The following DCPS variants were observed in gnomAD, a reference collection of about 807,000 sequenced individuals.
DCPS encodes the protein decapping enzyme, scavenger.
DCPS carries 27 observed loss-of-function variants against 34.7 expected under a neutral mutation model. That is an observed-to-expected ratio of 0.78 (90% confidence interval 0.57 to 1.07). The LOEUF is 1.07. Ranked by LOEUF, DCPS falls within the 50% of genes least tolerant of loss-of-function variation. The probability of loss-of-function intolerance (pLI) is 0.00; values close to 1 mark genes in which losing one functional copy is unlikely to be tolerated. For synonymous variants in DCPS, 185 were observed against 185.7 expected (o/e 1.00, Z 0.03); for missense variants, 464 against 436.9 (o/e 1.06, Z -0.55).
In DCPS at chr11:126,342,985, G is replaced by A. The variant is rs1053643752; in HGVS notation, c.637-322G>A. On this transcript the variant is annotated intron_variant, in intron 4 of 5. Coordinates refer to ENST00000263579, the MANE Select transcript of DCPS (RefSeq NM_014026.6). The surrounding 1 kb of genome is among the most constrained non-coding windows in gnomAD (Gnocchi z 4.4). Reference sequence around the variant, plus strand: ...CTTGGGAGGCTGAGGCAGAAGAATCGCTTGAACCCAGGAGGCGGAGGTTGC... The same window carrying A: ...CTTGGGAGGCTGAGGCAGAAGAATCACTTGAACCCAGGAGGCGGAGGTTGC... 4.0e-5 allele frequency among the ~76,000 whole-genome samples: 6 copies of A among 150,050 alleles called. No homozygotes were observed. Among genetic ancestry groups the A allele is most frequent in the African/African-American group, 1.5e-4 (6 of 40,502 alleles).
rs58091804 is a variant in DCPS at position 126,324,629 on chromosome 11, CTTTTTTTT to C, written c.377-6757_377-6750del. On this transcript the variant is annotated intron_variant, in intron 2 of 5. Coordinates refer to ENST00000263579, the MANE Select transcript of DCPS (RefSeq NM_014026.6). ...CACCATGCCTAGCTAATTTTTCTGCCTTTTTTTTTTTTTTTTTTTTTTTTTTGGTAAAG... is the reference window on the plus strand; with the variant it reads ...CACCATGCCTAGCTAATTTTTCTGCCTTTTTTTTTTTTTTTTTTGGTAAAG... Among the ~76,000 whole-genome samples, 41 of 99,940 alleles carry C rather than the reference CTTTTTTTT, an allele frequency of 4.1e-4. 1 individual carries two copies. Among genetic ancestry groups the C allele is most frequent in the East Asian group, 1.7e-3 (7 of 4,064 alleles). The allele number at this position is 99,940 out of a possible 152,430, so 65.6% of individuals were successfully genotyped here.
chr11:126,318,391 A>C (rs684063), intron 2 of DCPS, among the ~76,000 whole-genome samples: 29,052 of 152,122 alleles, frequency 0.19, 3,900 homozygotes, highest in East Asian at 0.65. Flanking sequence ...AGGATGACTT[A>C]AGATCCACGG....
chr11:126,333,597 G>A lies in DCPS; in HGVS notation c.522+2047G>A, dbSNP rs958192726. Among the ~76,000 whole-genome samples the A allele has an allele frequency of 2.6e-5, 4 of 152,186 alleles. No individual in the cohort carries two copies. Among genetic ancestry groups the A allele is most frequent in the Non-Finnish European group, 4.4e-5 (3 of 68,036 alleles). ...ACAAGGGGAGGGAGGAGCAAGTCCA[G>A]AGGCACACAGAGCTGGAATCATCCG... On this transcript the variant is annotated intron_variant, in intron 3 of 5. Transcript: ENST00000263579. The surrounding 1 kb of genome is among the most constrained non-coding windows in gnomAD (Gnocchi z 5.7).
At chr11:126,309,197 T>C (rs1165241430) in intron 2 of DCPS, among the ~76,000 whole-genome samples, 1 of 152,148 alleles carries the variant, frequency 6.6e-6, no homozygotes, top group Non-Finnish European at 1.5e-5. Flanking sequence ...AGCTAATTTT[T>C]GTATTTTTAA....
intron 2 of DCPS, among the ~76,000 whole-genome samples, chr11:126,316,369 G>T (rs1951658742): frequency 6.6e-6 from 1 of 150,464 alleles, no homozygotes; most frequent in Admixed American, 6.7e-5. Context: ...GTTAGTGTTA[G>T]TATATTTCAT....
chr11:126,304,804 C>A (rs867115924), intron 1 of DCPS, among the ~76,000 whole-genome samples: 1 of 152,232 alleles, frequency 6.6e-6, no homozygotes, highest in African/African-American at 2.4e-5. Flanking sequence ...ACGAAAGTTA[C>A]CATCCCTGAT....
chr11:126,338,021 C>CTG lies in DCPS; in HGVS notation c.523-264_523-263dup. The CTG allele has an allele frequency of 2.0e-6, 1 of 492,200 alleles. No homozygotes were observed. Among genetic ancestry groups the CTG allele is most frequent in the Non-Finnish European group, 3.7e-6 (1 of 269,830 alleles). 30.5% of individuals were successfully genotyped at this position (492,200 alleles called of 1,614,324 possible). On this transcript the variant is annotated intron_variant, in intron 3 of 5. Transcript: ENST00000263579. This position sits in a 1 kb window ranked among gnomAD's most constrained non-coding sequence, Gnocchi z 5.4. The stretch of plus-strand genomic sequence containing the variant: ...GTGCACTATGCTGACCAGGAAGAGC[C>CTG]TGGCCCCTTCCAAGCTGCAGAGACC...
chr11:126,326,957 T>A (rs1410112746), intron 2 of DCPS, among the ~76,000 whole-genome samples: 2 of 151,956 alleles, frequency 1.3e-5, no homozygotes, highest in African/African-American at 4.8e-5. Flanking sequence ...TAAAAGGACT[T>A]CACCTGTTAA....
rs567764649 is a variant in DCPS, at chr11:126,331,892, A to G, written c.522+342A>G. Among the ~76,000 whole-genome samples, 53 of 152,212 alleles carry G rather than the reference A, an allele frequency of 3.5e-4. No homozygotes were observed. Among genetic ancestry groups the G allele is most frequent in the African/African-American group, 1.2e-3 (50 of 41,518 alleles). ...GAGAGAAGGCTTTGGGGGTGGGGGA[A>G]CTGATGCTGGTCTTGGTCCCACCTG... On this transcript the variant is annotated intron_variant, in intron 3 of 5. Coordinates refer to ENST00000263579, the MANE Select transcript of DCPS (RefSeq NM_014026.6). The surrounding 1 kb of genome is among the most constrained non-coding windows in gnomAD (Gnocchi z 7.2).
Position 126,323,906 on chromosome 11 carries a change from C to T in DCPS, c.377-7499C>T, listed in dbSNP as rs1266479024. Among the ~76,000 whole-genome samples the T allele has an allele frequency of 6.6e-6, 1 of 152,106 alleles. No individual in the cohort carries two copies. Among genetic ancestry groups the T allele is most frequent in the East Asian group, 1.9e-4 (1 of 5,176 alleles). ...AGTGCAGTGGCGCCATCTCGGCTCA[C>T]CGCAACCTCTACCTCCCAGGTTCAA... On this transcript the variant is annotated intron_variant, in intron 2 of 5. Coordinates refer to ENST00000263579, the MANE Select transcript of DCPS (RefSeq NM_014026.6). The surrounding 1 kb of genome is among the most constrained non-coding windows in gnomAD (Gnocchi z 4.4).
chr11:126,322,392 T>C lies in DCPS; in HGVS notation c.377-9013T>C, dbSNP rs1951714224. On this transcript the variant is annotated intron_variant, in intron 2 of 5. Coordinates refer to ENST00000263579, the MANE Select transcript of DCPS (RefSeq NM_014026.6). The surrounding 1 kb of genome is among the most constrained non-coding windows in gnomAD (Gnocchi z 4.2). Reference sequence around the variant, plus strand: ...AATTCTCCTGTCTCATTCTCTCTAGTAGCTGGGATTACAGGCGCACACCAC... The same window carrying C: ...AATTCTCCTGTCTCATTCTCTCTAGCAGCTGGGATTACAGGCGCACACCAC... Among the ~76,000 whole-genome samples, 1 of 152,062 alleles carries C rather than the reference T, an allele frequency of 6.6e-6. No individual in the cohort carries two copies.
Position 126,331,228 on chromosome 11 carries a change from G to A in DCPS, c.377-177G>A, listed in dbSNP as rs892129956. Among the ~76,000 whole-genome samples the A allele has an allele frequency of 3.3e-5, 5 of 152,162 alleles. No individual in the cohort carries two copies. Among genetic ancestry groups the A allele is most frequent in the African/African-American group, 4.8e-5 (2 of 41,442 alleles). On this transcript the variant is annotated intron_variant, in intron 2 of 5. Transcript: ENST00000263579. This position sits in a 1 kb window ranked among gnomAD's most constrained non-coding sequence, Gnocchi z 7.2. Reference sequence around the variant, plus strand: ...CCAGATTCTGAGTGTGGCTCAGCTCGTGAATGCAGTGGCACAAGGCACTCT... The same window carrying A: ...CCAGATTCTGAGTGTGGCTCAGCTCATGAATGCAGTGGCACAAGGCACTCT...
Position 126,342,502 on chromosome 11 carries a change from C to G in DCPS, c.637-805C>G, listed in dbSNP as rs1423178569. Among the ~76,000 whole-genome samples, 1 of 152,176 alleles carries G rather than the reference C, an allele frequency of 6.6e-6. No individual in the cohort carries two copies. Among genetic ancestry groups the G allele is most frequent in the Non-Finnish European group, 1.5e-5 (1 of 68,034 alleles). The stretch of plus-strand genomic sequence containing the variant: ...GTATACATTCTATGCCCTATACATT[C>G]TTGCCTCCGAGTCTTTGCTCTGTTT... On this transcript the variant is annotated intron_variant, in intron 4 of 5. Transcript: ENST00000263579. This position sits in a 1 kb window ranked among gnomAD's most constrained non-coding sequence, Gnocchi z 4.4.
At position 126,347,389 on chromosome 11, in the gene DCPS, A is replaced by C. The variant is rs1435277632; in HGVS notation, c.*1776A>C. On this transcript the variant is annotated 3_prime_UTR_variant, in exon 6 of 6. Coordinates refer to ENST00000263579, the MANE Select transcript of DCPS (RefSeq NM_014026.6). The surrounding 1 kb of genome is among the most constrained non-coding windows in gnomAD (Gnocchi z 4.2). The stretch of plus-strand genomic sequence containing the variant: ...CAGGGGTGCGCCCCCATGCCCAGCT[A>C]ATTTTTGTATTTTTAGTAGAGACGG... Among the ~76,000 whole-genome samples, 1 of 152,068 alleles carries C rather than the reference A, an allele frequency of 6.6e-6. No homozygotes were observed. The highest frequency in any genetic ancestry group is 6.5e-5 in the Admixed American group (1 of 15,296).
intron 4 of DCPS, among the ~76,000 whole-genome samples, chr11:126,339,566 G>T (rs745844989): frequency 2.6e-5 from 4 of 152,242 alleles, no homozygotes; most frequent in Non-Finnish European, 4.4e-5. Flanking sequence ...GGGTGGGAAA[G>T]AATTTGAAGG....
rs1394867586 is a variant in DCPS at position 126,346,973 on chromosome 11, C to G, written c.*1360C>G. ...GGTGTGGTGGTGGGCTCCTATAATC[C>G]CACCTACTTGGGAGGCTGAAGCAGG... On this transcript the variant is annotated 3_prime_UTR_variant, in exon 6 of 6. Coordinates refer to ENST00000263579, the MANE Select transcript of DCPS (RefSeq NM_014026.6). The surrounding 1 kb of genome is among the most constrained non-coding windows in gnomAD (Gnocchi z 4.1). Among the ~76,000 whole-genome samples, 2 of 151,956 alleles carry G rather than the reference C, an allele frequency of 1.3e-5. No individual in the cohort carries two copies. The highest frequency in any genetic ancestry group is 2.9e-5 in the Non-Finnish European group (2 of 67,988).
At position 126,343,302 on chromosome 11, in the gene DCPS, C is replaced by T. The variant is rs760484691; in HGVS notation, c.637-5C>T. 7 of 1,611,400 alleles carry T rather than the reference C, an allele frequency of 4.3e-6. No individual in the cohort carries two copies. Among genetic ancestry groups the T allele is most frequent in the South Asian group, 2.2e-5 (2 of 90,586 alleles). On this transcript the variant is annotated splice_polypyrimidine_tract_variant and splice_region_variant and intron_variant, in intron 4 of 5. Coordinates refer to ENST00000263579, the MANE Select transcript of DCPS (RefSeq NM_014026.6). ...GAGCCTGGTCTCCCCTTGCTCTCTA[C>T]GCAGCTCGATGACTTGTACTTGATC... is the stretch of plus-strand genomic sequence containing the variant.
rs929853380 is a variant in DCPS, at chr11:126,347,533, C to T, written c.*1920C>T. 6.6e-6 allele frequency among the ~76,000 whole-genome samples: 1 copy of T among 152,146 alleles called. No individual in the cohort carries two copies. Among genetic ancestry groups the T allele is most frequent in the Admixed American group, 6.5e-5 (1 of 15,278 alleles). Reference sequence around the variant, plus strand: ...GCCACCGCGCCCAGCCCCTGCAATACGTCAACAGTCCCTAGATTCAGGCAA... The same window carrying T: ...GCCACCGCGCCCAGCCCCTGCAATATGTCAACAGTCCCTAGATTCAGGCAA... On this transcript the variant is annotated 3_prime_UTR_variant, in exon 6 of 6. Coordinates refer to ENST00000263579, the MANE Select transcript of DCPS (RefSeq NM_014026.6). The surrounding 1 kb of genome is among the most constrained non-coding windows in gnomAD (Gnocchi z 4.2).
chr11:126,307,793 C>T (rs564084040), intron 2 of DCPS, among the ~76,000 whole-genome samples: 3 of 152,320 alleles, frequency 2.0e-5, no homozygotes, highest in African/African-American at 7.2e-5. Flanking sequence ...CATGTATTAA[C>T]ACAGTTAATC....
Sources: gnomAD v4.1 joint callset for allele counts (sites outside exome capture counted in the v4.1 genomes callset) on GRCh38, gnomAD v4.1.1 for gene constraint, Gnocchi (gnomAD v3.1) non-coding constraint, MANE v1.5 for transcripts, NCBI Gene and HGNC (gene_info 2026-07-23, HGNC 2026-07-21) for gene names.